Variants in FCRL5 observed in about 807,000 individuals in gnomAD.
The protein encoded by FCRL5 is Fc receptor like 5.
A neutral mutation model predicts 92.1 loss-of-function variants in FCRL5; 79 were observed. That is an observed-to-expected ratio of 0.86 (90% CI 0.72 to 1.03). The LOEUF (loss-of-function observed/expected upper bound fraction) is 1.03, where lower values mean the gene tolerates loss of function less well. Ranked by LOEUF, FCRL5 falls within the 50% of genes least tolerant of loss-of-function variation. The probability of loss-of-function intolerance (pLI) is 0.00; values close to 1 mark genes in which losing one functional copy is unlikely to be tolerated. For missense variants in FCRL5, 1,160 were observed against 1,181.1 expected, an observed-to-expected ratio of 0.98 and a Z score of 0.26; for synonymous variants, 466 against 469.3, an observed-to-expected ratio of 0.99 and a Z score of 0.09.
chr1:157,534,626 G>C lies in FCRL5; in HGVS notation c.1669C>G (p.Leu557Val). ...ACCCAGCACTTACCAGTGACAAAAA[G>C]GCTCACCACTTCACTGCGCTGGGGA... ...FGPQRSEVVS[L>V]FVTVPVSRPI... is the part of the protein sequence containing the mutation. The change falls in exon 8 of 17, where the codon CTT (leucine) becomes GTT (valine). Residue 557 changes from leucine (L) to valine (V), a missense_variant. Leu to Val is a conservative substitution (Grantham distance 32). Coordinates refer to ENST00000361835, the MANE Select transcript of FCRL5 (RefSeq NM_031281.3). 4 of 1,614,182 alleles carry C rather than the reference G, an allele frequency of 2.5e-6. No homozygotes were observed. The highest frequency in any genetic ancestry group is 1.7e-6 in the Non-Finnish European group (2 of 1,180,040).
intron 9 of FCRL5, among the ~76,000 whole-genome samples, chr1:157,526,371 A>T (rs1374912574): frequency 6.6e-6 from 1 of 152,180 alleles, no homozygotes; most frequent in Non-Finnish European, 1.5e-5. Context: ...TAGTGAGGAC[A>T]TGGAGACAGT....
intron 2 of FCRL5, among the ~76,000 whole-genome samples, chr1:157,547,910 C>A (rs987913306): frequency 3.3e-5 from 5 of 152,232 alleles, no homozygotes; most frequent in South Asian, 4.1e-4. Flanking sequence ...TGTCTTCTCC[C>A]CATCTCCCCT....
intron 8 of FCRL5, chr1:157,534,096 T>C: frequency 3.7e-6 from 1 of 271,192 alleles, no homozygotes; most frequent in Non-Finnish European, 7.2e-6. Flanking sequence ...AATAAAATGA[T>C]ACTGATTTTA....
chr1:157,539,220 C>T lies in FCRL5; in HGVS notation c.1268G>A (p.Arg423His), dbSNP rs377645767. Residue 423 changes from arginine (R) to histidine (H), a missense_variant, in exon 7 of 17, where the codon CGT becomes CAT. Arg to His is a conservative substitution (Grantham distance 29). Coordinates refer to ENST00000361835, the MANE Select transcript of FCRL5 (RefSeq NM_031281.3). ...TCCTCCTGCAGAGTTGGCCGACCTA[C>T]GCTCCAGGGCAGCACCCTCATGATG... The part of the protein sequence containing the change: ...QFHHEGAALE[R>H]RSANSAGGVA... 3.6e-5 allele frequency: 58 copies of T among 1,614,074 alleles called. No homozygotes were observed. In the Middle Eastern group the frequency reaches 4.9e-4, roughly 14 times the overall value.
chr1:157,552,452 G>A lies in FCRL5; in HGVS notation c.-90C>T. The A allele has an allele frequency of 7.7e-7, 1 of 1,302,298 alleles. No homozygotes were observed. Among genetic ancestry groups the A allele is most frequent in the South Asian group, 1.2e-5 (1 of 84,624 alleles). 80.7% of individuals were successfully genotyped at this position (1,302,298 alleles called of 1,614,324 possible). On this transcript the variant is annotated 5_prime_UTR_variant, in exon 1 of 17. Transcript: ENST00000361835. ...GACTTGATCTTACAGTCAGGACACT[G>A]CACACCAGCTCCAAGGAGCACATCT...
chr1:157,516,214 A>G, intron 15 of FCRL5: 1 of 415,856 alleles, frequency 2.4e-6, no homozygotes, highest in African/African-American at 2.0e-5. Context: ...TGCAAGTTTT[A>G]GAGAGCACAC....
intron 8 of FCRL5, chr1:157,532,882 C>T (rs1331979140): frequency 6.6e-6 from 1 of 150,744 alleles, no homozygotes; most frequent in African/African-American, 2.5e-5. Context: ...TCTTGTTGGG[C>T]TAGATTTTGT....
intron 2 of FCRL5, 81 bp from the exon 3 acceptor site, chr1:157,547,278 G>A: frequency 6.4e-7 from 1 of 1,569,224 alleles, no homozygotes; most frequent in Admixed American, 1.7e-5. Context: ...ATAGCCTGAA[G>A]GACCTGGGTT....
In FCRL5 at chr1:157,520,419, A is replaced by G. The variant is rs941714334; in HGVS notation, c.2632+12T>C. 6 of 1,558,032 alleles carry G rather than the reference A, an allele frequency of 3.9e-6. No individual in the cohort carries two copies. The highest frequency in any genetic ancestry group is 1.4e-5 in the African/African-American group (1 of 73,714). ...CATGAACTCAAGCCAAGGTGTGCCC[A>G]GAGTCACCCACCTGCTTTTCTCGAG... On this transcript the variant is annotated intron_variant, in intron 12 of 16. Coordinates refer to ENST00000361835, the MANE Select transcript of FCRL5 (RefSeq NM_031281.3).
intron 5 of FCRL5, among the ~76,000 whole-genome samples, chr1:157,543,981 A>T (rs1233728333): frequency 1.1e-5 from 1 of 91,172 alleles, no homozygotes; most frequent in African/African-American, 4.4e-5. Context: ...GGCCTAGAAG[A>T]AAAAAAAATG....
At chr1:157,548,590 A>C (rs1222173872) in intron 2 of FCRL5, among the ~76,000 whole-genome samples, 4 of 152,262 alleles carry the variant, frequency 2.6e-5, no homozygotes, top group Admixed American at 1.3e-4. Context: ...ATTTACAAGA[A>C]AAATTCAAAC....
At chr1:157,525,191 A>C (rs1650373583) in intron 9 of FCRL5, among the ~76,000 whole-genome samples, 1 of 152,232 alleles carries the variant, frequency 6.6e-6, no homozygotes, top group South Asian at 2.1e-4. Flanking sequence ...ATTACAATTA[A>C]AACTTTGATA....
At chr1:157,524,720 G>GAAAGC (rs1650355911) in intron 9 of FCRL5, among the ~76,000 whole-genome samples, 163 bp from the exon 10 acceptor site, 2 of 152,238 alleles carry the variant, frequency 1.3e-5, no homozygotes, top group African/African-American at 4.8e-5. Context: ...AACAACATTT[G>GAAAGC]TGTAGTGCTA....
intron 12 of FCRL5, 88 bp from the exon 13 acceptor site, chr1:157,519,858 C>G: frequency 7.3e-7 from 1 of 1,372,676 alleles, no homozygotes. Flanking sequence ...TAGAAACTGC[C>G]AGGAGTTGCT....
At chr1:157,518,552 G>A in intron 14 of FCRL5, 55 bp from the exon 15 acceptor site, 1 of 1,526,892 alleles carries the variant, frequency 6.5e-7, no homozygotes, top group Non-Finnish European at 9.1e-7. Context: ...TCTTGTTAGA[G>A]ATACTTCCTC....
rs762927138 is a variant in FCRL5 at position 157,515,727 on chromosome 1, G to C, written c.2882C>G (p.Ser961Ter). The change falls in exon 17 of 17, where the codon TCA becomes TGA. Residue 961 changes from serine (S) to a stop codon, truncating the protein, a stop_gained. Coordinates refer to ENST00000361835, the MANE Select transcript of FCRL5 (RefSeq NM_031281.3). LOFTEE classifies it low-confidence loss of function (END_TRUNC). ...PIIYSEVKVA[S>*]TPVSGSLFLA... ...GAACAGGGATCCGGAAACCGGGGTT[G>C]ACGCCACCTTAACTTCAGAGTAGAT... 1 of 1,614,092 alleles carries C rather than the reference G, an allele frequency of 6.2e-7. No individual in the cohort carries two copies. The highest frequency in any genetic ancestry group is 8.5e-7 in the Non-Finnish European group (1 of 1,180,010).
intron 1 of FCRL5, among the ~76,000 whole-genome samples, chr1:157,550,022 A>G (rs1006366835): frequency 2.6e-5 from 4 of 152,052 alleles, no homozygotes; most frequent in African/African-American, 9.7e-5. Context: ...TACCTGAAGG[A>G]GATGATACTT....
intron 15 of FCRL5, 78 bp from the exon 16 acceptor site, chr1:157,515,951 C>T: frequency 6.5e-7 from 1 of 1,535,346 alleles, no homozygotes; most frequent in Non-Finnish European, 9.0e-7. Flanking sequence ...TGGGGCCAGC[C>T]CTGAGCCTCC....
intron 13 of FCRL5, 123 bp downstream of exon 13, chr1:157,519,620 G>T: frequency 9.5e-7 from 1 of 1,053,800 alleles, no homozygotes; most frequent in Non-Finnish European, 1.5e-6. Flanking sequence ...AACAGGTAGT[G>T]GCCACACCCC....
Sources: gnomAD v4.1 joint callset for allele counts (sites outside exome capture counted in the v4.1 genomes callset) on GRCh38, gnomAD v4.1.1 for gene constraint, MANE v1.5 for transcripts, NCBI Gene and HGNC (gene_info 2026-07-23, HGNC 2026-07-21) for gene names.